FKTN: variants seen among roughly 807,000 people sequenced by gnomAD.
The protein encoded by FKTN is ribitol-5-phosphate transferase FKTN.
A neutral mutation model predicts 58.6 loss-of-function variants in FKTN; 47 were observed. The observed-to-expected ratio is 0.80, with a 90% CI of 0.63 to 1.02. FKTN has a LOEUF of 1.02. Among genes scored for constraint, FKTN ranks in the 50% least tolerant of loss-of-function variants. FKTN has a pLI of 0.00. For missense variants in FKTN, 516 were observed against 537.3 expected (o/e 0.96, Z 0.39); for synonymous variants, 178 against 191.9 (o/e 0.93, Z 0.60).
In FKTN at chr9:105,639,987, TA is replaced by T. The variant is rs1834312852; in HGVS notation, c.*4725del. The T allele has an allele frequency of 6.6e-7, 1 of 1,512,548 alleles. No individual in the cohort carries two copies. Among genetic ancestry groups the T allele is most frequent in the Non-Finnish European group, 8.8e-7 (1 of 1,131,448 alleles). 93.7% of individuals were successfully genotyped at this position (1,512,548 alleles called of 1,614,324 possible). ...GGAGAGGGAAGAAATCTGGAATACT[TA>T]ATTTCATTTAATTATCTATGCTGAT... On this transcript the variant is annotated 3_prime_UTR_variant, in exon 11 of 11. Coordinates refer to ENST00000357998, the MANE Select transcript of FKTN (RefSeq NM_001079802.2).
chr9:105,616,761 A>G (rs1032604482), intron 8 of FKTN, among the ~76,000 whole-genome samples: 1 of 152,140 alleles, frequency 6.6e-6, no homozygotes, highest in Non-Finnish European at 1.5e-5. Context: ...AGGAAGCACC[A>G]TTAATAATTA....
chr9:105,565,644 T>C (rs897832563), intron 1 of FKTN, among the ~76,000 whole-genome samples: 1 of 152,088 alleles, frequency 6.6e-6, no homozygotes, highest in Non-Finnish European at 1.5e-5. Flanking sequence ...CCCAGATTCA[T>C]AAAGCAAGTC....
At chr9:105,596,359 C>T (rs1007037201) in intron 3 of FKTN, among the ~76,000 whole-genome samples, 2 of 152,160 alleles carry the variant, frequency 1.3e-5, no homozygotes, top group Non-Finnish European at 2.9e-5. Flanking sequence ...TTGACCATGT[C>T]TACCTTATTA....
chr9:105,561,705 T>C (rs1218509271), intron 1 of FKTN, among the ~76,000 whole-genome samples: 2 of 152,352 alleles, frequency 1.3e-5, no homozygotes, highest in East Asian at 1.9e-4. Flanking sequence ...GTAGAAGTTA[T>C]ATTGCAAAGG....
chr9:105,638,623 GTAGT>G lies in FKTN; in HGVS notation c.*3360_*3363del. On this transcript the variant is annotated 3_prime_UTR_variant, in exon 11 of 11. Coordinates refer to ENST00000357998, the MANE Select transcript of FKTN (RefSeq NM_001079802.2). ...CTTCCTAAGGGACCTTTCCCTGGTA[GTAGT>G]GGTCTCATTCACAAAAAAGAATAAT... is the stretch of plus-strand genomic sequence containing the variant. 1 of 985,124 alleles carries G rather than the reference GTAGT, an allele frequency of 1.0e-6. No individual in the cohort carries two copies. The highest frequency in any genetic ancestry group is 1.7e-5 in the African/African-American group (1 of 57,306). 61.0% of individuals were successfully genotyped at this position (985,124 alleles called of 1,614,324 possible).
rs765546968 is a variant in FKTN at position 105,607,964 on chromosome 9, C to CAA, written c.780+15_780+16dup. Reference sequence around the variant, plus strand: ...AGCATTCTTTCAGGTTAGAGACAACCAAATGTGTACTTTTAAATTAAAGAA... The same window carrying CAA: ...AGCATTCTTTCAGGTTAGAGACAACCAAAAATGTGTACTTTTAAATTAAAGAA... On this transcript the variant is annotated intron_variant, in intron 7 of 10. Transcript: ENST00000357998. 14 of 1,604,088 alleles carry CAA rather than the reference C, an allele frequency of 8.7e-6. No individual in the cohort carries two copies. The Admixed American group carries it at 1.5e-4, about 17-fold the overall frequency.
chr9:105,623,876 A>C (rs1421063183), intron 10 of FKTN, among the ~76,000 whole-genome samples: 1 of 152,230 alleles, frequency 6.6e-6, no homozygotes, highest in Non-Finnish European at 1.5e-5. Flanking sequence ...TGTGGCTTAC[A>C]AGTAGAGAAA....
chr9:105,601,813 A>T (rs76567610), intron 5 of FKTN, among the ~76,000 whole-genome samples: 4,745 of 152,286 alleles, frequency 0.031, 159 homozygotes, highest in African/African-American at 0.087. Context: ...ATTTTTACAA[A>T]GAATATTTTA....
intron 10 of FKTN, 27 bp downstream of exon 10, chr9:105,620,088 TAAAGG>T: frequency 6.4e-7 from 1 of 1,573,876 alleles, no homozygotes; most frequent in Non-Finnish European, 8.7e-7. Context: ...TACTTATTTA[TAAAGG>T]TACTACAGAA....
rs1185261728 is a variant in FKTN, at chr9:105,635,164, T to C, written c.1286T>C (p.Ile429Thr). Residue 429 changes from isoleucine (I) to threonine (T), a missense_variant, in exon 11 of 11, where the codon ATT (isoleucine) becomes ACT (threonine). Ile to Thr is a moderately conservative substitution (Grantham distance 89). Transcript: ENST00000357998. The stretch of plus-strand genomic sequence containing the variant: ...GCCAACTATGGTAAGACCTGGAAGA[T>C]TCCTGTAAAGACGTGGGACTGGAAG... ...IEANYGKTWK[I>T]PVKTWDWKRS... 1 of 1,614,096 alleles carries C rather than the reference T, an allele frequency of 6.2e-7. No individual in the cohort carries two copies. The highest frequency in any genetic ancestry group is 1.1e-5 in the South Asian group (1 of 91,084).
Position 105,575,116 on chromosome 9 carries a change from C to A in FKTN, c.84C>A (p.Tyr28Ter). Residue 28 changes from tyrosine to a stop codon, truncating the protein, a stop_gained, in exon 3 of 11, where the codon TAC becomes TAA. Transcript: ENST00000357998. LOFTEE classifies it high-confidence loss of function. Reference sequence around the variant, plus strand: ...TTCTGCTGTTTCAGTTGTACTACTACAAGCACTATTTATCAACAAAGGTAA... The same window carrying A: ...TTCTGCTGTTTCAGTTGTACTACTAAAAGCACTATTTATCAACAAAGGTAA... ...SAFLLFQLYY[Y>*]KHYLSTKNGA... 3 of 1,596,898 alleles carry A rather than the reference C, an allele frequency of 1.9e-6. No homozygotes were observed. The highest frequency in any genetic ancestry group is 2.6e-6 in the Non-Finnish European group (3 of 1,164,512).
Position 105,636,844 on chromosome 9 carries a change from AC to A in FKTN, c.*1581del. On this transcript the variant is annotated 3_prime_UTR_variant, in exon 11 of 11. Coordinates refer to ENST00000357998, the MANE Select transcript of FKTN (RefSeq NM_001079802.2). ...GAAAACAAATTAGAGAAAGTAACTT[AC>A]AACCACCCATTCCGGATTTGTAAAG... 8.3e-7 allele frequency: 1 copy of A among 1,198,474 alleles called. No individual in the cohort carries two copies. The highest frequency in any genetic ancestry group is 1.1e-6 in the Non-Finnish European group (1 of 926,084). 74.2% of individuals were successfully genotyped at this position (1,198,474 alleles called of 1,614,324 possible).
At chr9:105,602,469 A>G (rs1828052353) in intron 5 of FKTN, among the ~76,000 whole-genome samples, 1 of 152,246 alleles carries the variant, frequency 6.6e-6, no homozygotes, top group Admixed American at 6.5e-5. Flanking sequence ...CAAGAGGAAG[A>G]AGCAAAAGCT....
intron 1 of FKTN, among the ~76,000 whole-genome samples, chr9:105,568,953 G>A (rs7024265): frequency 0.27 from 41,266 of 152,090 alleles, 5,847 homozygotes; most frequent in Non-Finnish European, 0.31. Context: ...GAAATATTAT[G>A]CAGCCATAAA....
chr9:105,604,346 C>T lies in FKTN; in HGVS notation c.501C>T (p.Ala167=), dbSNP rs1564291395. ...CCCTGCACTATATCTGCAAACTGGC[C>T]ACTCATGCGATCCACTTGGTAGTCT... is the stretch of plus-strand genomic sequence containing the variant. ...EIPLHYICKL[A]THAIHLVVFH... Residue 167 remains alanine, a synonymous_variant, in exon 6 of 11, where the codon GCC becomes GCT. Coordinates refer to ENST00000357998, the MANE Select transcript of FKTN (RefSeq NM_001079802.2). 3 of 1,614,140 alleles carry T rather than the reference C, an allele frequency of 1.9e-6. No individual in the cohort carries two copies.
At chr9:105,599,959 G>GT (rs928036298) in intron 4 of FKTN, among the ~76,000 whole-genome samples, 89 of 146,492 alleles carry the variant, frequency 6.1e-4, no homozygotes, top group Non-Finnish European at 7.0e-4. Context: ...TTTGAGGGCA[G>GT]TTTTTTTTTT....
intron 10 of FKTN, among the ~76,000 whole-genome samples, chr9:105,634,260 T>G (rs1348174004): frequency 6.6e-6 from 1 of 151,908 alleles, no homozygotes; most frequent in Non-Finnish European, 1.5e-5. Flanking sequence ...GCCTCCTGAG[T>G]AGCTGGGACG....
chr9:105,566,524 CAAAT>C, intron 1 of FKTN, among the ~76,000 whole-genome samples: 1 of 152,290 alleles, frequency 6.6e-6, no homozygotes, highest in Admixed American at 6.5e-5. Flanking sequence ...CACCTCTACA[CAAAT>C]AAACTAGAAA....
chr9:105,618,076 A>C lies in FKTN; in HGVS notation c.1028A>C (p.Lys343Thr). The C allele has an allele frequency of 6.2e-7, 1 of 1,612,528 alleles. No individual in the cohort carries two copies. Among genetic ancestry groups the C allele is most frequent in the East Asian group, 2.2e-5 (1 of 44,844 alleles). Residue 343 changes from lysine (K) to threonine (T), a missense_variant, in exon 9 of 11, where the codon AAA (lysine) becomes ACA (threonine). Coordinates refer to ENST00000357998, the MANE Select transcript of FKTN (RefSeq NM_001079802.2). Reference protein sequence around the residue: ...LAFQDAGLPLKHKFGKVEDSL... With the variant: ...LAFQDAGLPLTHKFGKVEDSL... ...TTTCAGGATGCAGGACTTCCGCTCA[A>C]ACACAAATTTGGGAAGGTCAGTAAC...
Sources: gnomAD v4.1 joint callset for allele counts (sites outside exome capture counted in the v4.1 genomes callset) on GRCh38, gnomAD v4.1.1 for gene constraint, MANE v1.5 for transcripts, NCBI Gene and HGNC (gene_info 2026-07-23, HGNC 2026-07-21) for gene names.